Variants in CDH22 observed in about 807,000 individuals in gnomAD.
CDH22 encodes the protein cadherin 22.
In CDH22, 30 loss-of-function variants were observed where a neutral mutation model predicts 58.4. The observed-to-expected ratio is 0.51, with a 90% CI of 0.38 to 0.70. CDH22 has a LOEUF of 0.70. Among genes scored for constraint, CDH22 ranks in the 30% least tolerant of loss-of-function variants. CDH22 has a pLI of 0.00. For synonymous variants in CDH22, 513 were observed against 558.2 expected (o/e 0.92, Z 1.14); for missense variants, 1,014 against 1,233.9 (o/e 0.82, Z 2.67).
At chr20:46,177,162 G>A (rs1385476548) in intron 11 of CDH22, among the ~76,000 whole-genome samples, 6 of 152,118 alleles carry the variant, frequency 3.9e-5, no homozygotes, top group African/African-American at 1.2e-4. Context: ...CAGTGAGGGC[G>A]GGGGGAGGCA....
At chr20:46,239,879 T>G (rs1568669932) in intron 3 of CDH22, among the ~76,000 whole-genome samples, 2 of 152,174 alleles carry the variant, frequency 1.3e-5, no homozygotes, top group Admixed American at 1.3e-4. Flanking sequence ...GAAGGCAGAG[T>G]CATGCAGCTT....
chr20:46,264,930 C>T (rs986759773), intron 1 of CDH22, among the ~76,000 whole-genome samples: 1 of 152,158 alleles, frequency 6.6e-6, no homozygotes, highest in Non-Finnish European at 1.5e-5. Flanking sequence ...ACCGTGTACA[C>T]ATGCAGACTC....
At chr20:46,277,642 G>A (rs1009483717) in intron 1 of CDH22, among the ~76,000 whole-genome samples, 1 of 152,110 alleles carries the variant, frequency 6.6e-6, no homozygotes, top group Non-Finnish European at 1.5e-5. Flanking sequence ...GGAAATCAGA[G>A]GGGGGTGAGT....
chr20:46,303,476 C>T (rs1328135536), intron 1 of CDH22, among the ~76,000 whole-genome samples: 1 of 152,200 alleles, frequency 6.6e-6, no homozygotes, highest in African/African-American at 2.4e-5. Context: ...TGCTTGCTCA[C>T]CATTGTGTCT....
At chr20:46,246,188 C>T (rs866104146) in intron 2 of CDH22, among the ~76,000 whole-genome samples, 21 of 152,310 alleles carry the variant, frequency 1.4e-4, no homozygotes, top group East Asian at 5.8e-4. Flanking sequence ...AGTGCGGCTA[C>T]GCAAATAAAA....
chr20:46,261,299 A>G (rs903299950), intron 1 of CDH22, among the ~76,000 whole-genome samples: 3 of 152,206 alleles, frequency 2.0e-5, no homozygotes, highest in African/African-American at 7.2e-5. Context: ...GACAAATACT[A>G]CTGGACCCTA....
intron 1 of CDH22, among the ~76,000 whole-genome samples, chr20:46,296,666 T>C (rs1004340654): frequency 5.3e-5 from 8 of 152,158 alleles, no homozygotes; most frequent in African/African-American, 9.6e-5. Flanking sequence ...CAGGTGACCA[T>C]GTCAGATGAT....
At chr20:46,213,236 A>G (rs954223311) in intron 5 of CDH22, 48 bp from the exon 6 acceptor site, 3 of 1,512,464 alleles carry the variant, frequency 2.0e-6, no homozygotes, top group Non-Finnish European at 1.8e-6. Context: ...CCCCTTCCCC[A>G]GCCTCTGCCA....
At chr20:46,191,348 G>A (rs1007595043) in intron 8 of CDH22, among the ~76,000 whole-genome samples, 6 of 152,048 alleles carry the variant, frequency 3.9e-5, no homozygotes, top group African/African-American at 1.4e-4. Context: ...TGAGACTCTG[G>A]ATCTCTTCCA....
chr20:46,276,950 C>T (rs538574123), intron 1 of CDH22, among the ~76,000 whole-genome samples: 1 of 152,256 alleles, frequency 6.6e-6, no homozygotes, highest in East Asian at 1.9e-4. Context: ...CACAAAGACC[C>T]CACAGGGTGG....
intron 1 of CDH22, among the ~76,000 whole-genome samples, chr20:46,291,110 C>G (rs1027414011): frequency 3.9e-5 from 6 of 152,104 alleles, no homozygotes; most frequent in Admixed American, 3.3e-4. Flanking sequence ...AACCCTGTCT[C>G]TACTAAAAAT....
At chr20:46,259,318 A>G (rs1213167856) in intron 1 of CDH22, among the ~76,000 whole-genome samples, 2 of 152,244 alleles carry the variant, frequency 1.3e-5, no homozygotes, top group African/African-American at 2.4e-5. Flanking sequence ...ACTAGGTACC[A>G]AGTTCTGTGC....
rs777473564 is a variant in CDH22 at position 46,178,216 on chromosome 20, G to T, written c.1664-19C>A. On this transcript the variant is annotated intron_variant, in intron 10 of 11. Transcript: ENST00000537909. The stretch of plus-strand genomic sequence containing the variant: ...GTGTTGTCTGTTCCGGAAGAAGGGG[G>T]AGCGGTGTGACTTGGGGCCGGGGGT... 1.7e-5 allele frequency: 27 copies of T among 1,603,374 alleles called. No individual in the cohort carries two copies. The South Asian group carries it at 3.0e-4, about 18-fold the overall frequency.
intron 1 of CDH22, among the ~76,000 whole-genome samples, chr20:46,295,286 G>C (rs1041952815): frequency 1.3e-5 from 2 of 152,198 alleles, no homozygotes; most frequent in Non-Finnish European, 2.9e-5. Flanking sequence ...TATTCAGAAA[G>C]AGGCCAACTT....
At chr20:46,198,234 A>AG (rs567613706) in intron 8 of CDH22, among the ~76,000 whole-genome samples, 207 of 148,526 alleles carry the variant, frequency 1.4e-3, no homozygotes, top group African/African-American at 4.7e-3. Flanking sequence ...GCCATGTCTC[A>AG]GGCTCTCTCT....
Position 46,207,281 on chromosome 20 carries a change from G to A in CDH22, c.1286+3026C>T, listed in dbSNP as rs371550457. 5.3e-5 allele frequency among the ~76,000 whole-genome samples: 8 copies of A among 152,342 alleles called. No individual in the cohort carries two copies. The East Asian group carries it at 7.7e-4, about 15-fold the overall frequency. ...AAGCAGGAGGGAAGGGAGCCAAAGC[G>A]GGGAGGAGGAAGAGGACTGAGAGGG... On this transcript the variant is annotated intron_variant, in intron 7 of 11. Coordinates refer to ENST00000537909, the MANE Select transcript of CDH22 (RefSeq NM_021248.3).
intron 1 of CDH22, among the ~76,000 whole-genome samples, chr20:46,296,138 C>T (rs914294595): frequency 4.6e-5 from 7 of 152,124 alleles, no homozygotes; most frequent in African/African-American, 1.2e-4. Flanking sequence ...TTTGTATCTT[C>T]GCAGTAGGGG....
intron 10 of CDH22, 71 bp downstream of exon 10, chr20:46,186,517 G>T: frequency 8.7e-7 from 1 of 1,148,204 alleles, no homozygotes; most frequent in Non-Finnish European, 1.3e-6. Context: ...CCGTCCCTCT[G>T]TCTATAATAT....
At chr20:46,194,982 G>A (rs1238601912) in intron 8 of CDH22, among the ~76,000 whole-genome samples, 1 of 152,056 alleles carries the variant, frequency 6.6e-6, no homozygotes, top group Non-Finnish European at 1.5e-5. Flanking sequence ...CGCCTGCCTC[G>A]GCCTCCCAAA....
Sources: gnomAD v4.1 joint callset for allele counts (sites outside exome capture counted in the v4.1 genomes callset) on GRCh38, gnomAD v4.1.1 for gene constraint, MANE v1.5 for transcripts, NCBI Gene and HGNC (gene_info 2026-07-23, HGNC 2026-07-21) for gene names.